ROBO2: variants seen among roughly 807,000 people sequenced by gnomAD.
ROBO2 encodes the protein roundabout guidance receptor 2, also known as roundabout homolog 2.
Under a neutral mutation model 160.8 loss-of-function variants are expected in ROBO2, and 53 were observed. The observed-to-expected ratio is 0.33, with a 90% CI of 0.26 to 0.41. ROBO2 has a LOEUF of 0.41. Among genes scored for constraint, ROBO2 ranks in the 10% least tolerant of loss-of-function variants. The pLI is 1.00. For synonymous variants in ROBO2, 664 were observed against 611.7 expected (o/e 1.09, Z -1.26); for missense variants, 1,577 against 1,722.4 (o/e 0.92, Z 1.49).
At chr3:77,190,910 G>A (rs528071920) in intron 2 of ROBO2, among the ~76,000 whole-genome samples, 1 of 152,080 alleles carries the variant, frequency 6.6e-6, no homozygotes, top group African/African-American at 2.4e-5. Flanking sequence ...GAATAGTCCT[G>A]CTGGCAAGAA....
chr3:76,854,355 T>A (rs1226062652), intron 2 of ROBO2, among the ~76,000 whole-genome samples: 2 of 152,140 alleles, frequency 1.3e-5, no homozygotes, highest in Non-Finnish European at 2.9e-5. Context: ...TAAACTTGTA[T>A]AGATCCAATT....
intron 2 of ROBO2, among the ~76,000 whole-genome samples, chr3:76,398,043 C>T (rs968200601): frequency 5.9e-4 from 90 of 152,142 alleles, no homozygotes; most frequent in Middle Eastern, 3.4e-3. Context: ...TATTGTGGCA[C>T]TATTCACAAT....
At chr3:76,811,872 T>C (rs1038847021) in intron 2 of ROBO2, among the ~76,000 whole-genome samples, 63 of 136,710 alleles carry the variant, frequency 4.6e-4, no homozygotes, top group African/African-American at 1.7e-3. Flanking sequence ...CTTCCTTCCT[T>C]CCTTCCTTCC....
At chr3:75,961,729 A>T (rs889941080) in intron 2 of ROBO2, among the ~76,000 whole-genome samples, 2 of 151,648 alleles carry the variant, frequency 1.3e-5, no homozygotes, top group African/African-American at 2.4e-5. Flanking sequence ...TTTTTGATGG[A>T]TATAGAAACA....
At chr3:77,213,874 T>C (rs1278114643) in intron 2 of ROBO2, among the ~76,000 whole-genome samples, 1 of 152,186 alleles carries the variant, frequency 6.6e-6, no homozygotes, top group Non-Finnish European at 1.5e-5. Flanking sequence ...TTGGTTTCCA[T>C]GTAGTTGAGC....
Position 76,412,199 on chromosome 3 carries a change from A to AG in ROBO2, c.109+474597_109+474598insG, listed in dbSNP as rs2075522811. Among the ~76,000 whole-genome samples, 7 of 152,162 alleles carry AG rather than the reference A, an allele frequency of 4.6e-5. No individual in the cohort carries two copies. In the South Asian group the frequency reaches 1.5e-3, roughly 32 times the overall value. On this transcript the variant is annotated intron_variant, in intron 2 of 26. Transcript: ENST00000487694. ...GACTATCACCAGAATAGCACGAGAA[A>AG]CACCAACCCCGTCATTCATTTACCT...
intron 2 of ROBO2, among the ~76,000 whole-genome samples, chr3:76,460,746 A>C (rs2078039655): frequency 6.6e-6 from 1 of 152,190 alleles, no homozygotes; most frequent in Admixed American, 6.5e-5. Context: ...CTGCATAGCT[A>C]ATCCACTATA....
intron 2 of ROBO2, among the ~76,000 whole-genome samples, chr3:77,334,343 G>A (rs546169284): frequency 1.3e-5 from 2 of 152,208 alleles, no homozygotes; most frequent in East Asian, 1.9e-4. Context: ...TGACATCTTC[G>A]GTGTACCTGT....
intron 2 of ROBO2, among the ~76,000 whole-genome samples, chr3:76,541,985 C>T (rs2108241642): frequency 6.6e-6 from 1 of 152,242 alleles, no homozygotes; most frequent in Admixed American, 6.5e-5. Context: ...TCAGCACTTA[C>T]CTTCACCAAA....
chr3:76,621,403 G>T (rs2089069546), intron 2 of ROBO2, among the ~76,000 whole-genome samples: 1 of 152,146 alleles, frequency 6.6e-6, no homozygotes, highest in South Asian at 2.1e-4. Flanking sequence ...GCTGAAAATG[G>T]TTTTACCCAA....
At chr3:76,387,056 A>G (rs2076925697) in intron 2 of ROBO2, among the ~76,000 whole-genome samples, 1 of 152,156 alleles carries the variant, frequency 6.6e-6, no homozygotes, top group Non-Finnish European at 1.5e-5. Flanking sequence ...TCCAAGATGA[A>G]GGTGCTGGCA....
intron 2 of ROBO2, among the ~76,000 whole-genome samples, chr3:77,108,077 C>G (rs1335749731): frequency 6.6e-6 from 1 of 151,454 alleles, no homozygotes; most frequent in Non-Finnish European, 1.5e-5. Context: ...TATAAATCCA[C>G]CTACCTCATT....
Position 77,382,191 on chromosome 3 carries a change from G to A in ROBO2, c.389-95223G>A, listed in dbSNP as rs150585335. On this transcript the variant is annotated intron_variant, in intron 2 of 25. Transcript: ENST00000461745. ...CCCATTGAGTAAAATGTTCTGCACC[G>A]TAAGAGTGAACCGGAAATGGATAGA... is the stretch of plus-strand genomic sequence containing the variant. 1.2e-4 allele frequency among the ~76,000 whole-genome samples: 19 copies of A among 152,216 alleles called. No homozygotes were observed. The East Asian group carries it at 3.1e-3, about 25-fold the overall frequency.
chr3:77,436,462 T>C (rs1463246477), intron 2 of ROBO2, among the ~76,000 whole-genome samples: 1 of 151,870 alleles, frequency 6.6e-6, no homozygotes, highest in East Asian at 1.9e-4. Context: ...TTTATTCCTC[T>C]ACACATTTTA....
At chr3:77,610,299 A>G (rs2094603335) in intron 21 of ROBO2, among the ~76,000 whole-genome samples, 1 of 152,120 alleles carries the variant, frequency 6.6e-6, no homozygotes, top group Non-Finnish European at 1.5e-5. Context: ...GGCATACAAA[A>G]TATAAAAACT....
chr3:75,952,248 A>G (rs1948568386), intron 2 of ROBO2, among the ~76,000 whole-genome samples: 1 of 151,990 alleles, frequency 6.6e-6, no homozygotes, highest in Non-Finnish European at 1.5e-5. Context: ...TATAAAATGG[A>G]CTGATTCTAA....
At chr3:76,524,020 TA>T (rs1198764692) in intron 2 of ROBO2, among the ~76,000 whole-genome samples, 1 of 151,422 alleles carries the variant, frequency 6.6e-6, no homozygotes, top group African/African-American at 2.4e-5. Flanking sequence ...TGTCTTCACA[TA>T]TCAGAGAAAA....
At chr3:77,554,776 T>A (rs2093050336) in intron 8 of ROBO2, among the ~76,000 whole-genome samples, 1 of 152,018 alleles carries the variant, frequency 6.6e-6, no homozygotes, top group African/African-American at 2.4e-5. Context: ...AAGAAAGTGA[T>A]GACTTGAGAT....
intron 2 of ROBO2, among the ~76,000 whole-genome samples, chr3:76,946,717 C>T (rs1314777779): frequency 6.6e-6 from 1 of 152,118 alleles, no homozygotes; most frequent in Non-Finnish European, 1.5e-5. Context: ...GGATTACAGA[C>T]GTGAGCCACT....
Sources: gnomAD v4.1 joint callset for allele counts (sites outside exome capture counted in the v4.1 genomes callset) on GRCh38, gnomAD v4.1.1 for gene constraint, MANE v1.5 for transcripts, NCBI Gene and HGNC (gene_info 2026-07-23, HGNC 2026-07-21) for gene names.